Variants in VWC2 observed in about 807,000 individuals in gnomAD.
VWC2 encodes the protein brorin.
A neutral mutation model predicts 29.8 loss-of-function variants in VWC2; 14 were observed. That is an observed-to-expected ratio of 0.47 (90% CI 0.31 to 0.74). The LOEUF is 0.74. Ranked by LOEUF, VWC2 falls within the 30% of genes least tolerant of loss-of-function variation. The pLI, the probability that VWC2 is intolerant of heterozygous loss-of-function variation, is 0.05. For missense variants in VWC2, 457 were observed against 459.8 expected (o/e 0.99, Z 0.05); for synonymous variants, 213 against 199.0 (o/e 1.07, Z -0.59).
intron 3 of VWC2, among the ~76,000 whole-genome samples, chr7:49,809,170 A>G (rs1340137780): frequency 6.6e-6 from 1 of 151,954 alleles, no homozygotes; most frequent in Non-Finnish European, 1.5e-5. Context: ...ATTAGAGAAG[A>G]CACAAGTCAG....
intron 2 of VWC2, among the ~76,000 whole-genome samples, chr7:49,787,598 T>C (rs1788329206): frequency 6.6e-6 from 1 of 152,154 alleles, no homozygotes; most frequent in Admixed American, 6.5e-5. Context: ...TCACCTTTCT[T>C]TCTCACGTGG....
chr7:49,834,177 G>A (rs897876963), intron 3 of VWC2, among the ~76,000 whole-genome samples: 1 of 152,098 alleles, frequency 6.6e-6, no homozygotes, highest in African/African-American at 2.4e-5. Context: ...TGATCTGTGC[G>A]CAGGGCTGTT....
At chr7:49,858,602 T>G (rs1206664186) in intron 3 of VWC2, among the ~76,000 whole-genome samples, 1 of 151,018 alleles carries the variant, frequency 6.6e-6, no homozygotes. Flanking sequence ...ATACCTAATG[T>G]TAAATGACGA....
intron 2 of VWC2, 146 bp downstream of exon 2, chr7:49,776,277 C>A: frequency 1.4e-6 from 1 of 714,614 alleles, no homozygotes; most frequent in Non-Finnish European, 2.2e-6. Flanking sequence ...TTTGACATGA[C>A]CTCTCTTTTT....
intron 2 of VWC2, among the ~76,000 whole-genome samples, chr7:49,785,042 G>A (rs927784282): frequency 7.9e-5 from 12 of 152,176 alleles, no homozygotes; most frequent in African/African-American, 2.7e-4. Flanking sequence ...AAGTGCATGG[G>A]TAAAGAACAG....
intron 3 of VWC2, among the ~76,000 whole-genome samples, chr7:49,891,260 G>A (rs624007): frequency 0.033 from 4,956 of 152,170 alleles, 297 homozygotes; most frequent in African/African-American, 0.11. Context: ...TGAGACAAGC[G>A]ATAAAAGCCT....
intron 2 of VWC2, among the ~76,000 whole-genome samples, chr7:49,797,384 C>T (rs1455490661): frequency 2.0e-5 from 3 of 152,214 alleles, no homozygotes; most frequent in Non-Finnish European, 4.4e-5. Context: ...TGGAATTACT[C>T]TCTAGCCTCT....
At chr7:49,903,939 C>T (rs1055856706) in intron 3 of VWC2, among the ~76,000 whole-genome samples, 3 of 152,142 alleles carry the variant, frequency 2.0e-5, no homozygotes, top group Non-Finnish European at 4.4e-5. Context: ...GTCTGGTTTA[C>T]ATAGGGCTCA....
chr7:49,797,003 C>T (rs897689801), intron 2 of VWC2, among the ~76,000 whole-genome samples: 2 of 152,152 alleles, frequency 1.3e-5, no homozygotes, highest in African/African-American at 4.8e-5. Flanking sequence ...TTACCCACTC[C>T]TACTTAATTA....
chr7:49,902,750 A>G (rs1792837156), intron 3 of VWC2, among the ~76,000 whole-genome samples: 1 of 152,074 alleles, frequency 6.6e-6, no homozygotes, highest in South Asian at 2.1e-4. Flanking sequence ...TAGAAAATTG[A>G]TGCATTTGAT....
intron 2 of VWC2, among the ~76,000 whole-genome samples, chr7:49,790,002 A>G (rs1268586648): frequency 2.0e-5 from 3 of 152,196 alleles, no homozygotes; most frequent in East Asian, 3.9e-4. Context: ...TGTATCTGTT[A>G]GGCAAGCTGG....
intron 2 of VWC2, among the ~76,000 whole-genome samples, chr7:49,799,023 T>C (rs943618407): frequency 8.5e-5 from 13 of 152,298 alleles, no homozygotes; most frequent in African/African-American, 3.1e-4. Context: ...CATAGGCCAC[T>C]GCTTCACCAA....
chr7:49,889,239 G>GA (rs768919697), intron 3 of VWC2, among the ~76,000 whole-genome samples: 5 of 152,212 alleles, frequency 3.3e-5, no homozygotes, highest in Admixed American at 3.3e-4. Flanking sequence ...TTGGAGAAGG[G>GA]GCATTTCCTG....
chr7:49,851,630 C>T (rs1216885848), intron 3 of VWC2, among the ~76,000 whole-genome samples: 2 of 152,128 alleles, frequency 1.3e-5, no homozygotes, highest in South Asian at 2.1e-4. Context: ...GAGGCCGAGG[C>T]GGGTGGATCA....
chr7:49,857,200 C>T (rs771321437), intron 3 of VWC2, among the ~76,000 whole-genome samples: 4 of 152,076 alleles, frequency 2.6e-5, no homozygotes, highest in Non-Finnish European at 5.9e-5. Flanking sequence ...CTACCCCCAA[C>T]CCCTGGCAAC....
chr7:49,850,287 G>A (rs1435092206), intron 3 of VWC2: 1 of 152,248 alleles, frequency 6.6e-6, no homozygotes, highest in Admixed American at 6.5e-5. Context: ...CATCACCTAG[G>A]AATTTGCCCT....
chr7:49,831,022 C>T (rs1357584262), intron 3 of VWC2, among the ~76,000 whole-genome samples: 1 of 151,986 alleles, frequency 6.6e-6, no homozygotes, highest in African/African-American at 2.4e-5. Context: ...TGTTAATTAC[C>T]CAGCCTCCAC....
intron 3 of VWC2, among the ~76,000 whole-genome samples, chr7:49,896,426 C>T (rs1032541472): frequency 1.3e-5 from 2 of 152,110 alleles, no homozygotes; most frequent in Non-Finnish European, 2.9e-5. Flanking sequence ...GAAATGCTCA[C>T]ATTAGAAAAG....
At chr7:49,879,128 C>T (rs1791567359) in intron 3 of VWC2, among the ~76,000 whole-genome samples, 1 of 152,126 alleles carries the variant, frequency 6.6e-6, no homozygotes, top group African/African-American at 2.4e-5. Context: ...TCTCCACTGC[C>T]TTCTTAATGT....
Sources: gnomAD v4.1 joint callset for allele counts (sites outside exome capture counted in the v4.1 genomes callset) on GRCh38, gnomAD v4.1.1 for gene constraint, MANE v1.5 for transcripts, NCBI Gene and HGNC (gene_info 2026-07-23, HGNC 2026-07-21) for gene names.